Variants in FRMD4B observed in about 807,000 individuals in gnomAD.
FRMD4B encodes the protein FERM domain containing 4B, also known as FERM domain-containing protein 4B.
A neutral mutation model predicts 141.5 loss-of-function variants in FRMD4B; 74 were observed. The ratio of observed to expected loss-of-function variants is 0.52; its 90% CI spans 0.43 to 0.63. The LOEUF (loss-of-function observed/expected upper bound fraction) is 0.63, where lower values mean the gene tolerates loss of function less well. FRMD4B is among the 30% of genes least tolerant of loss of function. The pLI, the probability that FRMD4B is intolerant of heterozygous loss-of-function variation, is 0.00. For missense variants in FRMD4B, 1,366 were observed against 1,253.4 expected, an observed-to-expected ratio of 1.09 and a Z score of -1.36; for synonymous variants, 506 against 467.9, an observed-to-expected ratio of 1.08 and a Z score of -1.05.
chr3:69,244,515 C>A (rs1379963102), intron 7 of FRMD4B, among the ~76,000 whole-genome samples: 3 of 152,110 alleles, frequency 2.0e-5, no homozygotes, highest in Non-Finnish European at 4.4e-5. Context: ...TGCCTGTAGT[C>A]CCAGCTGCTT....
At chr3:69,474,008 A>C in intron 1 of FRMD4B, among the ~76,000 whole-genome samples, 1 of 152,096 alleles carries the variant, frequency 6.6e-6, no homozygotes, top group East Asian at 1.9e-4. Context: ...TTCCCTACAC[A>C]ATACAAAAAT....
chr3:69,310,575 CACACACAGAGAGAGAGAG>C (rs1456595715), intron 3 of FRMD4B: 48 of 255,228 alleles, frequency 1.9e-4, no homozygotes, highest in Middle Eastern at 8.3e-4. Context: ...CACACACACA[CACACACAGAGAGAGAGAG>C]AGAGAGAGAG....
intron 22 of FRMD4B, among the ~76,000 whole-genome samples, chr3:69,175,606 AT>A (rs1310343689): frequency 6.6e-6 from 1 of 152,000 alleles, no homozygotes; most frequent in African/African-American, 2.4e-5. Context: ...GAGTAGAGAG[AT>A]TTTTCCTGCA....
At chr3:69,480,942 C>T (rs527676219) in intron 1 of FRMD4B, among the ~76,000 whole-genome samples, 11 of 152,316 alleles carry the variant, frequency 7.2e-5, no homozygotes, top group East Asian at 1.9e-4. Context: ...GCCTCTCTGC[C>T]GCCTTGCAGT....
chr3:69,326,726 G>T (rs185494702), intron 1 of FRMD4B, among the ~76,000 whole-genome samples: 2 of 152,180 alleles, frequency 1.3e-5, no homozygotes, highest in Non-Finnish European at 2.9e-5. Flanking sequence ...GAAAAATCAG[G>T]GTATATATCT....
chr3:69,367,580 T>C (rs572319299), intron 1 of FRMD4B, among the ~76,000 whole-genome samples: 6 of 147,108 alleles, frequency 4.1e-5, no homozygotes, highest in African/African-American at 1.6e-4. Flanking sequence ...AAATATATCA[T>C]TGACAATTAT....
chr3:69,291,544 G>C (rs1700875307), intron 4 of FRMD4B, among the ~76,000 whole-genome samples: 1 of 152,140 alleles, frequency 6.6e-6, no homozygotes, highest in Admixed American at 6.6e-5. Context: ...CTGCTTGGGG[G>C]ACACTGGGAC....
At chr3:69,232,581 A>G (rs1225540427) in intron 7 of FRMD4B, among the ~76,000 whole-genome samples, 2 of 151,646 alleles carry the variant, frequency 1.3e-5, no homozygotes, top group Non-Finnish European at 1.5e-5. Flanking sequence ...TGCCAACCCC[A>G]CTCATTTTTG....
chr3:69,310,216 A>G (rs971293667), intron 3 of FRMD4B, among the ~76,000 whole-genome samples: 7 of 152,174 alleles, frequency 4.6e-5, no homozygotes, highest in African/African-American at 1.7e-4. Flanking sequence ...GCCTGCTGGC[A>G]TATTCTGGAG....
At chr3:69,196,784 A>C in intron 13 of FRMD4B, 116 bp downstream of exon 13, 1 of 763,990 alleles carries the variant, frequency 1.3e-6, no homozygotes. Flanking sequence ...AGTTAAACGC[A>C]AAAAAATCTC....
chr3:69,218,473 C>T (rs1318737988), intron 9 of FRMD4B, 94 bp from the exon 10 acceptor site: 8 of 609,926 alleles, frequency 1.3e-5, no homozygotes, highest in Non-Finnish European at 2.3e-5. Flanking sequence ...TTTCTACTTT[C>T]CTTATTATAA....
chr3:69,353,493 C>G (rs558680721), intron 1 of FRMD4B: 1 of 784,654 alleles, frequency 1.3e-6, no homozygotes, highest in East Asian at 1.3e-4. Flanking sequence ...GCTGAAGAAG[C>G]ACCGTTACAC....
At chr3:69,516,244 A>C (rs1391009816) in intron 1 of FRMD4B, among the ~76,000 whole-genome samples, 1 of 152,024 alleles carries the variant, frequency 6.6e-6, no homozygotes, top group Non-Finnish European at 1.5e-5. Context: ...AATAATAATA[A>C]ATATTTCCAT....
At chr3:69,492,418 A>C (rs921460780) in intron 1 of FRMD4B, among the ~76,000 whole-genome samples, 13 of 152,170 alleles carry the variant, frequency 8.5e-5, no homozygotes, top group African/African-American at 2.4e-4. Flanking sequence ...CAGCATTCTA[A>C]CCTGAGCAGG....
intron 7 of FRMD4B, among the ~76,000 whole-genome samples, chr3:69,235,564 C>A (rs1371831261): frequency 1.3e-5 from 2 of 151,786 alleles, no homozygotes; most frequent in East Asian, 3.9e-4. Flanking sequence ...GAGGCTGACG[C>A]AGAAGAATCG....
chr3:69,478,049 T>C (rs2106969760), intron 1 of FRMD4B, among the ~76,000 whole-genome samples: 1 of 152,268 alleles, frequency 6.6e-6, no homozygotes, highest in African/African-American at 2.4e-5. Flanking sequence ...TCAGTGGTGA[T>C]ATCCCCTTTA....
At chr3:69,397,336 G>A (rs960410213) in intron 2 of FRMD4B, among the ~76,000 whole-genome samples, 1 of 152,072 alleles carries the variant, frequency 6.6e-6, no homozygotes, top group Non-Finnish European at 1.5e-5. Context: ...GTCGTGAATA[G>A]GGTATGACTA....
In FRMD4B at chr3:69,189,030, T is replaced by C. The variant is rs186819010; in HGVS notation, c.1771+866A>G. Among the ~76,000 whole-genome samples, 1,473 of 151,980 alleles carry C rather than the reference T, an allele frequency of 9.7e-3. 24 individuals are homozygous for C. The highest frequency in any genetic ancestry group is 0.024 in the Middle Eastern group (7 of 294). On this transcript the variant is annotated intron_variant, in intron 18 of 22. Coordinates refer to ENST00000398540, the MANE Select transcript of FRMD4B (RefSeq NM_015123.3). ...TTAGGTCAGGAGTTCGAGACTAGCC[T>C]GACCAACATGGTGAAACCCTGTCTC...
chr3:69,379,974 C>T (rs1000353965), intron 1 of FRMD4B, among the ~76,000 whole-genome samples: 1 of 152,176 alleles, frequency 6.6e-6, no homozygotes, highest in African/African-American at 2.4e-5. Context: ...CTGTGGAGAG[C>T]GAAGGGTGAG....
Sources: gnomAD v4.1 joint callset for allele counts (sites outside exome capture counted in the v4.1 genomes callset) on GRCh38, gnomAD v4.1.1 for gene constraint, MANE v1.5 for transcripts, NCBI Gene and HGNC (gene_info 2026-07-23, HGNC 2026-07-21) for gene names.